ADRA2A: variants seen among roughly 807,000 people sequenced by gnomAD.
ADRA2A encodes adrenoceptor alpha 2A.
ADRA2A carries 6 observed loss-of-function variants against 5.9 expected under a neutral mutation model. The ratio of observed to expected loss-of-function variants is 1.01; its 90% CI spans 0.55 to 2.00. The LOEUF is 2.00. Among genes scored for constraint, ADRA2A ranks in the 30% most tolerant of loss-of-function variants. The probability of loss-of-function intolerance (pLI) is 0.00; values close to 1 mark genes in which losing one functional copy is unlikely to be tolerated. For missense variants in ADRA2A, 647 were observed against 690.0 expected, an observed-to-expected ratio of 0.94 and a Z score of 0.70; for synonymous variants, 345 against 325.9, an observed-to-expected ratio of 1.06 and a Z score of -0.63.
rs1589531496 is a variant in ADRA2A, at chr10:111,078,072, G to T, written c.76G>T (p.Ala26Ser). 6.5e-7 allele frequency: 1 copy of T among 1,547,260 alleles called. No homozygotes were observed. ...CTCCCTGCAGCCGGACGCGGGCAAC[G>T]CGAGCTGGAACGGGACCGAGGCGCC... is the stretch of plus-strand genomic sequence containing the variant. ...MGSLQPDAGN[A>S]SWNGTEAPGG... is the part of the protein sequence containing the mutation. The change falls in exon 1 of 1, where the codon GCG becomes TCG. Residue 26 changes from alanine (A) to serine (S), a missense_variant. Around this residue, in one of 3 missense-constraint regions of ADRA2A, gnomAD observed 577 missense variants for 605.4 expected, o/e 0.95. Transcript: ENST00000280155.
chr10:111,079,137 C>G lies in ADRA2A; in HGVS notation c.1141C>G (p.Gln381Glu). The G allele has an allele frequency of 1.2e-6, 2 of 1,604,102 alleles. No individual in the cohort carries two copies. The highest frequency in any genetic ancestry group is 2.2e-5 in the South Asian group (2 of 90,648). The part of the protein sequence containing the change: ...AAKASRWRGR[Q>E]NREKRFTFVL... ...CAAGGCGTCGCGCTGGCGCGGGCGG[C>G]AGAACCGCGAGAAGCGCTTCACGTT... is the stretch of plus-strand genomic sequence containing the variant. Residue 381 changes from glutamine (Q) to glutamate (E), a missense_variant, in exon 1 of 1, where the codon CAG becomes GAG. This residue lies in a region of ADRA2A where 577 missense variants were observed against 605.4 expected (regional missense o/e 0.95). Transcript: ENST00000280155.
chr10:111,079,367 T>TCGGGGGGA lies in ADRA2A; in HGVS notation c.1373_1380dup (p.Arg461GlyfsTer20). On this transcript the variant is annotated frameshift_variant, in exon 1 of 1. Coordinates refer to ENST00000280155, the MANE Select transcript of ADRA2A (RefSeq NM_000681.4). LOFTEE classifies it high-confidence loss of function. Reference sequence around the variant, plus strand: ...GCCGCGCCTTCAAGAAGATCCTCTGTCGGGGGGACAGGAAGCGGATCGTGT... The same window carrying TCGGGGGGA: ...GCCGCGCCTTCAAGAAGATCCTCTGTCGGGGGGACGGGGGGACAGGAAGCGGATCGTGT... 6.2e-7 allele frequency: 1 copy of TCGGGGGGA among 1,614,030 alleles called. No homozygotes were observed. Among genetic ancestry groups the TCGGGGGGA allele is most frequent in the Non-Finnish European group, 8.5e-7 (1 of 1,180,018 alleles).
In ADRA2A at chr10:111,077,938, A is replaced by C; in HGVS notation, c.-59A>C. 2 of 1,340,260 alleles carry C rather than the reference A, an allele frequency of 1.5e-6. No homozygotes were observed. The highest frequency in any genetic ancestry group is 1.9e-6 in the Non-Finnish European group (2 of 1,054,146). 83.0% of individuals were successfully genotyped at this position (1,340,260 alleles called of 1,614,324 possible). A position where few individuals can be genotyped will look rare whatever the true frequency, so the allele number is the denominator to read the frequency against. Reference sequence around the variant, plus strand: ...GGGCGCCGGAGGAAGAGGAGGACCCACGGGCGCCGGGCCGGAAGGCAGCTG... The same window carrying C: ...GGGCGCCGGAGGAAGAGGAGGACCCCCGGGCGCCGGGCCGGAAGGCAGCTG... On this transcript the variant is annotated 5_prime_UTR_variant, in exon 1 of 1. Transcript: ENST00000280155.
chr10:111,077,911 C>G lies in ADRA2A; in HGVS notation c.-86C>G. The G allele has an allele frequency of 7.6e-7, 1 of 1,320,124 alleles. No homozygotes were observed. Among genetic ancestry groups the G allele is most frequent in the African/African-American group, 1.5e-5 (1 of 64,750 alleles). The allele number at this position is 1,320,124 out of a possible 1,614,324, so 81.8% of individuals were successfully genotyped here. A position where few individuals can be genotyped will look rare whatever the true frequency, so the allele number is the denominator to read the frequency against. ...CCTATGTGAGCCGCAGCCAGGCGAG[C>G]GGGGCGCCGGAGGAAGAGGAGGACC... is the stretch of plus-strand genomic sequence containing the variant. On this transcript the variant is annotated 5_prime_UTR_variant, in exon 1 of 1. Transcript: ENST00000280155.
At position 111,078,117 on chromosome 10, in the gene ADRA2A, AC is replaced by A. The variant is rs1334245518; in HGVS notation, c.125del (p.Pro42LeufsTer6). 1 of 1,586,762 alleles carries A rather than the reference AC, an allele frequency of 6.3e-7. No individual in the cohort carries two copies. The highest frequency in any genetic ancestry group is 1.1e-5 in the South Asian group (1 of 88,546). On this transcript the variant is annotated frameshift_variant, in exon 1 of 1. Transcript: ENST00000280155. LOFTEE classifies it low-confidence loss of function (END_TRUNC). ...GGCGCCGGGGGGCGGCGCCCGGGCC[AC>A]CCCTTACTCCCTGCAGGTGACGCTG... Reference protein sequence around the residue: ...TEAPGGGARATPYSLQVTLTL... With the variant: ...TEAPGGGARAXPYSLQVTLTL...
chr10:111,079,412 G>C lies in ADRA2A; in HGVS notation c.*18G>C. The C allele has an allele frequency of 1.9e-6, 3 of 1,612,478 alleles. No homozygotes were observed. Among genetic ancestry groups the C allele is most frequent in the Non-Finnish European group, 2.5e-6 (3 of 1,179,278 alleles). On this transcript the variant is annotated 3_prime_UTR_variant, in exon 1 of 1. Coordinates refer to ENST00000280155, the MANE Select transcript of ADRA2A (RefSeq NM_000681.4). ...TCGTGTGAGGTTTCCGCTGGCGCCC[G>C]CGTAGACTCACGCTGACTGCAGGCA...
chr10:111,079,461 A>G lies in ADRA2A; in HGVS notation c.*67A>G. On this transcript the variant is annotated 3_prime_UTR_variant, in exon 1 of 1. Transcript: ENST00000280155. ...CAGCGGGGGGCATCGAGGGGTGCTTAGCCCCAGGGCACTCAGAAACCCGGG... is the reference window on the plus strand; with the variant it reads ...CAGCGGGGGGCATCGAGGGGTGCTTGGCCCCAGGGCACTCAGAAACCCGGG... The G allele has an allele frequency of 6.5e-7, 1 of 1,548,122 alleles. No individual in the cohort carries two copies. The highest frequency in any genetic ancestry group is 8.9e-7 in the Non-Finnish European group (1 of 1,129,284).
At position 111,077,911 on chromosome 10, in the gene ADRA2A, C is replaced by T; in HGVS notation, c.-86C>T. ...CCTATGTGAGCCGCAGCCAGGCGAG[C>T]GGGGCGCCGGAGGAAGAGGAGGACC... is the stretch of plus-strand genomic sequence containing the variant. On this transcript the variant is annotated 5_prime_UTR_variant, in exon 1 of 1. Transcript: ENST00000280155. The T allele has an allele frequency of 1.5e-6, 2 of 1,320,122 alleles. No individual in the cohort carries two copies. Among genetic ancestry groups the T allele is most frequent in the Non-Finnish European group, 1.9e-6 (2 of 1,043,084 alleles). The allele number at this position is 1,320,122 out of a possible 1,614,324, so 81.8% of individuals were successfully genotyped here.
chr10:111,079,662 C>T lies in ADRA2A; in HGVS notation c.*268C>T, dbSNP rs751805628. Reference sequence around the variant, plus strand: ...AGTGGGCCACCCCTAATCACTATTGCTTCCTAAAGGTATTTTCACCCTCTT... The same window carrying T: ...AGTGGGCCACCCCTAATCACTATTGTTTCCTAAAGGTATTTTCACCCTCTT... On this transcript the variant is annotated 3_prime_UTR_variant, in exon 1 of 1. Coordinates refer to ENST00000280155, the MANE Select transcript of ADRA2A (RefSeq NM_000681.4). The T allele has an allele frequency of 2.8e-5, 16 of 576,878 alleles. No homozygotes were observed. The highest frequency in any genetic ancestry group is 4.1e-5 in the Non-Finnish European group (13 of 315,500). 35.7% of individuals were successfully genotyped at this position (576,878 alleles called of 1,614,324 possible).
Position 111,080,418 on chromosome 10 carries a change from C to T in ADRA2A, c.*1024C>T, listed in dbSNP as rs553677760. Reference sequence around the variant, plus strand: ...TGACTATGGGGAAATCTTTTAGCTGCTGTTTTTAGACTCCAAGGAGTGGAA... The same window carrying T: ...TGACTATGGGGAAATCTTTTAGCTGTTGTTTTTAGACTCCAAGGAGTGGAA... On this transcript the variant is annotated 3_prime_UTR_variant, in exon 1 of 1. Transcript: ENST00000280155. 7.2e-5 allele frequency: 12 copies of T among 166,962 alleles called. No individual in the cohort carries two copies. In the East Asian group the frequency reaches 2.3e-3, roughly 32 times the overall value. 10.3% of individuals were successfully genotyped at this position (166,962 alleles called of 1,614,324 possible).
At position 111,078,112 on chromosome 10, in the gene ADRA2A, G is replaced by A. The variant is rs539511086; in HGVS notation, c.116G>A (p.Arg39Gln). The change falls in exon 1 of 1, where the codon CGG (arginine) becomes CAG (glutamine). Residue 39 changes from arginine to glutamine, a missense_variant. This residue lies in a region of ADRA2A where 577 missense variants were observed against 605.4 expected (regional missense o/e 0.95). Transcript: ENST00000280155. ...ACCGAGGCGCCGGGGGGCGGCGCCC[G>A]GGCCACCCCTTACTCCCTGCAGGTG... Reference protein sequence around the residue: ...NGTEAPGGGARATPYSLQVTL... With the variant: ...NGTEAPGGGAQATPYSLQVTL... 1.1e-4 allele frequency: 176 copies of A among 1,580,492 alleles called. 2 individuals are homozygous for A. In the Middle Eastern group the frequency reaches 1.6e-3, roughly 14 times the overall value.
Position 111,078,236 on chromosome 10 carries a change from G to A in ADRA2A, c.240G>A (p.Lys80=), listed in dbSNP as rs1314432212. The A allele has an allele frequency of 1.7e-5, 27 of 1,613,302 alleles. No individual in the cohort carries two copies. Among genetic ancestry groups the A allele is most frequent in the Non-Finnish European group, 2.3e-5 (27 of 1,179,938 alleles). Residue 80 remains lysine (K), a synonymous_variant, in exon 1 of 1, where the codon AAG becomes AAA. Coordinates refer to ENST00000280155, the MANE Select transcript of ADRA2A (RefSeq NM_000681.4). ...CCGTGTTCACGAGCCGCGCGCTCAA[G>A]GCGCCCCAAAACCTCTTCCTGGTGT... The part of the protein sequence containing the change: ...IIAVFTSRAL[K]APQNLFLVSL...
In ADRA2A at chr10:111,079,998, C is replaced by G. The variant is rs41286894; in HGVS notation, c.*604C>G. On this transcript the variant is annotated 3_prime_UTR_variant, in exon 1 of 1. Coordinates refer to ENST00000280155, the MANE Select transcript of ADRA2A (RefSeq NM_000681.4). Reference sequence around the variant, plus strand: ...CACAGCTGTCTGGTTCAGGCCAAGCCCCTTTGCAATGCAAGCCCTTTCTGG... The same window carrying G: ...CACAGCTGTCTGGTTCAGGCCAAGCGCCTTTGCAATGCAAGCCCTTTCTGG... The G allele has an allele frequency of 0.038, 6,381 of 167,362 alleles. 157 individuals carry two copies. The highest frequency in any genetic ancestry group is 0.057 in the Non-Finnish European group (3,887 of 68,270). The allele number at this position is 167,362 out of a possible 1,614,324, so 10.4% of individuals were successfully genotyped here.
Position 111,078,477 on chromosome 10 carries a change from A to G in ADRA2A, c.481A>G (p.Thr161Ala), listed in dbSNP as rs1564745516. 3 of 1,613,198 alleles carry G rather than the reference A, an allele frequency of 1.9e-6. No homozygotes were observed. Among genetic ancestry groups the G allele is most frequent in the Non-Finnish European group, 2.5e-6 (3 of 1,179,902 alleles). The stretch of plus-strand genomic sequence containing the variant: ...GGCCATCGAGTACAACCTGAAGCGC[A>G]CGCCGCGCCGCATCAAGGCCATCAT... ...TQAIEYNLKR[T>A]PRRIKAIIIT... The change falls in exon 1 of 1, where the codon ACG becomes GCG. Residue 161 changes from threonine to alanine, a missense_variant. By Grantham distance (58) the Thr-to-Ala change is moderately conservative. Transcript: ENST00000280155.
Position 111,079,247 on chromosome 10 carries a change from C to A in ADRA2A, c.1251C>A (p.Ser417=). Residue 417 remains serine (S), a synonymous_variant, in exon 1 of 1, where the codon TCC becomes TCA. Coordinates refer to ENST00000280155, the MANE Select transcript of ADRA2A (RefSeq NM_000681.4). ...ACACGCTCACGGCCGTCGGGTGCTC[C>A]GTGCCACGCACGCTCTTCAAATTCT... is the stretch of plus-strand genomic sequence containing the variant. The part of the protein sequence containing the change: ...FTYTLTAVGC[S]VPRTLFKFFF... 1 of 1,614,162 alleles carries A rather than the reference C, an allele frequency of 6.2e-7. No individual in the cohort carries two copies. The highest frequency in any genetic ancestry group is 8.5e-7 in the Non-Finnish European group (1 of 1,180,032).
rs1843549840 is a variant in ADRA2A, at chr10:111,077,953, G to C, written c.-44G>C. ...AGGAGGACCCACGGGCGCCGGGCCG[G>C]AAGGCAGCTGGCAGCAGGCCCAGGC... On this transcript the variant is annotated 5_prime_UTR_variant, in exon 1 of 1. Transcript: ENST00000280155. The C allele has an allele frequency of 7.4e-7, 1 of 1,343,780 alleles. No homozygotes were observed. The allele number at this position is 1,343,780 out of a possible 1,614,324, so 83.2% of individuals were successfully genotyped here.
chr10:111,078,047 C>T lies in ADRA2A; in HGVS notation c.51C>T (p.Gly17=). 1 of 1,519,320 alleles carries T rather than the reference C, an allele frequency of 6.6e-7. No homozygotes were observed. The highest frequency in any genetic ancestry group is 8.8e-7 in the Non-Finnish European group (1 of 1,141,928). The allele number at this position is 1,519,320 out of a possible 1,614,324, so 94.1% of individuals were successfully genotyped here. A position where few individuals can be genotyped will look rare whatever the true frequency, so the allele number is the denominator to read the frequency against. The part of the protein sequence containing the change: ...PLAEGSFAPM[G]SLQPDAGNAS... ...CCGAGGGCAGCTTTGCGCCCATGGG[C>T]TCCCTGCAGCCGGACGCGGGCAACG... is the stretch of plus-strand genomic sequence containing the variant. The change falls in exon 1 of 1, where the codon GGC becomes GGT. Residue 17 remains glycine (G), a synonymous_variant. Coordinates refer to ENST00000280155, the MANE Select transcript of ADRA2A (RefSeq NM_000681.4).
rs752665875 is a variant in ADRA2A, at chr10:111,078,584, G to A, written c.588G>A (p.Pro196=). The A allele has an allele frequency of 3.4e-5, 55 of 1,595,228 alleles. No individual in the cohort carries two copies. In the East Asian group the frequency reaches 1.3e-3, roughly 37 times the overall value. The change falls in exon 1 of 1, where the codon CCG becomes CCA. Residue 196 remains proline, a synonymous_variant. Transcript: ENST00000280155. ...SIEKKGGGGG[P]QPAEPRCEIN... is the part of the protein sequence containing the mutation. Reference sequence around the variant, plus strand: ...AGAAGAAGGGCGGCGGCGGCGGCCCGCAGCCGGCCGAGCCGCGCTGCGAGA... The same window carrying A: ...AGAAGAAGGGCGGCGGCGGCGGCCCACAGCCGGCCGAGCCGCGCTGCGAGA...
rs1843559378 is a variant in ADRA2A, at chr10:111,078,488, C to T, written c.492C>T (p.Arg164=). 3 of 1,613,192 alleles carry T rather than the reference C, an allele frequency of 1.9e-6. No individual in the cohort carries two copies. The highest frequency in any genetic ancestry group is 2.7e-5 in the African/African-American group (2 of 74,918). ...ACAACCTGAAGCGCACGCCGCGCCG[C>T]ATCAAGGCCATCATCATCACCGTGT... ...IEYNLKRTPR[R]IKAIIITVWV... The change falls in exon 1 of 1, where the codon CGC becomes CGT. Residue 164 remains arginine, a synonymous_variant. Transcript: ENST00000280155.
Sources: allele counts gnomAD v4.1 joint callset, GRCh38; gene constraint gnomAD v4.1.1; regional missense constraint gnomAD v4.1.1; transcripts MANE v1.5; gene names NCBI Gene and HGNC (gene_info 2026-07-23, HGNC 2026-07-21).